NBPF12: variants seen among roughly 807,000 people sequenced by gnomAD.
NBPF12 encodes NBPF member 12.
Under a neutral mutation model 146.4 loss-of-function variants are expected in NBPF12, and 115 were observed. The observed-to-expected ratio is 0.79, with a 90% confidence interval of 0.68 to 0.92. The LOEUF (loss-of-function observed/expected upper bound fraction) is 0.92. NBPF12 is among the 40% of genes least tolerant of loss of function. The pLI is 0.00. For missense variants in NBPF12, 1,205 were observed against 1,326.8 expected (o/e 0.91, Z 1.43); for synonymous variants, 385 against 508.9 (o/e 0.76, Z 3.28).
chr1:146,987,706 T>G (rs1486742577), intron 25 of NBPF12, among the ~76,000 whole-genome samples: 1 of 151,972 alleles, frequency 6.6e-6, no homozygotes, highest in Non-Finnish European at 1.5e-5. Context: ...TCTCTCTCAG[T>G]GTGTGCGTGT....
At chr1:146,945,706 C>T (rs1655021867), upstream of NBPF12, among the ~76,000 whole-genome samples, 1 of 151,774 alleles carries the variant, frequency 6.6e-6, no homozygotes, top group African/African-American at 2.4e-5. Flanking sequence ...TCCTAGGCTC[C>T]CCTGTCCTCC....
chr1:146,964,559 C>T (rs1424116805), intron 7 of NBPF12, 130 bp downstream of exon 10: 4 of 1,466,560 alleles, frequency 2.7e-6, no homozygotes, highest in Non-Finnish European at 3.8e-6. Context: ...GAAATTCAAC[C>T]CAGCTTAGAC....
Position 146,994,277 on chromosome 1 carries a change from C to T in NBPF12, c.4131-55C>T. ...ATGTTACTTCTGAAATCTAGTGAGG[C>T]TCTGTGGTGTCTGACTTTCCCTGGC... On this transcript the variant is annotated intron_variant, in intron 33 of 33. Transcript: ENST00000617844. The T allele has an allele frequency of 6.8e-6, 11 of 1,611,084 alleles. No individual in the cohort carries two copies. The South Asian group carries it at 7.7e-5, about 11-fold the overall frequency.
At chr1:146,994,138 C>T (rs879983147) in intron 33 of NBPF12, among the ~76,000 whole-genome samples, 194 bp from the exon 37 acceptor site, 1 of 131,556 alleles carries the variant, frequency 7.6e-6, no homozygotes, top group Admixed American at 7.8e-5. Context: ...GTCTCTCTCT[C>T]TCTGTCTTTC....
intron 11 of NBPF12, among the ~76,000 whole-genome samples, chr1:146,970,220 G>A (rs1309755513): frequency 2.0e-5 from 3 of 150,326 alleles, no homozygotes; most frequent in Non-Finnish European, 4.4e-5. Flanking sequence ...CCACATGGAG[G>A]GCCTGTGCAG....
chr1:146,952,136 T>G (rs1655351175), intron 2 of NBPF12: 1 of 151,580 alleles, frequency 6.6e-6, no homozygotes, highest in Non-Finnish European at 1.5e-5. Context: ...TGGAGATTGT[T>G]GTGGTGAAGA....
At chr1:146,973,322 G>A (rs1403349801) in intron 14 of NBPF12, among the ~76,000 whole-genome samples, 4 of 151,772 alleles carry the variant, frequency 2.6e-5, no homozygotes, top group African/African-American at 4.9e-5. Context: ...CTAAATGTCT[G>A]AGACTAGTGA....
chr1:146,973,868 CAG>C (rs1656817455), intron 14 of NBPF12, among the ~76,000 whole-genome samples: 1 of 149,276 alleles, frequency 6.7e-6, no homozygotes, highest in South Asian at 2.1e-4. Context: ...TCCTGGGGCA[CAG>C]AGTCTTGTTC....
chr1:146,957,987 G>GTATATATATATATATACATGTGTA (rs1228192892), intron 2 of NBPF12, among the ~76,000 whole-genome samples: 2 of 115,620 alleles, frequency 1.7e-5, no homozygotes, highest in African/African-American at 6.0e-5. Context: ...ATATGTGTGT[G>GTATATATATATATATACATGTGTA]TATATATATA....
intron 12 of NBPF12, among the ~76,000 whole-genome samples, 152 bp downstream of exon 15, chr1:146,970,871 C>G (rs1428717459): frequency 6.6e-6 from 1 of 151,440 alleles, no homozygotes; most frequent in East Asian, 1.9e-4. Flanking sequence ...CAGGGTGTGG[C>G]AGCTGTCGTG....
chr1:146,985,967 C>G (rs1392964259), intron 23 of NBPF12, among the ~76,000 whole-genome samples: 1 of 151,232 alleles, frequency 6.6e-6, no homozygotes, highest in Non-Finnish European at 1.5e-5. Context: ...TTGACCATAC[C>G]TCAAAGGCCG....
Position 146,992,459 on chromosome 1 carries a change from T to G in NBPF12, c.3849-253T>G, listed in dbSNP as rs1188373369. ...TTCTCTCTCTCTCTCTCTCTCTCTC[T>G]CTCTGTGTGTGTGTGTGTGTGTGTG... On this transcript the variant is annotated intron_variant, in intron 31 of 33. Transcript: ENST00000617844. 1.7e-4 allele frequency among the ~76,000 whole-genome samples: 17 copies of G among 101,426 alleles called. No homozygotes were observed. In the East Asian group the frequency reaches 8.3e-3, roughly 50 times the overall value. 66.5% of individuals were successfully genotyped at this position (101,426 alleles called of 152,430 possible).
chr1:146,972,153 G>T (rs1656682167), intron 13 of NBPF12, among the ~76,000 whole-genome samples: 2 of 150,306 alleles, frequency 1.3e-5, no homozygotes, highest in Admixed American at 6.6e-5. Flanking sequence ...CCAGCACTTT[G>T]GGAGGCGGAG....
intron 1 of NBPF12, among the ~76,000 whole-genome samples, chr1:146,940,139 G>T (rs1452306269): frequency 2.0e-5 from 3 of 152,062 alleles, no homozygotes; most frequent in Non-Finnish European, 4.4e-5. Context: ...GAGCTGTTAT[G>T]CATTAATAGC....
At chr1:146,963,542 A>C (rs1425378425) in intron 6 of NBPF12, among the ~76,000 whole-genome samples, 5 of 151,930 alleles carry the variant, frequency 3.3e-5, no homozygotes, top group African/African-American at 1.2e-4. Context: ...CTTTGGAGCA[A>C]AAGGCAGCAT....
chr1:146,941,644 C>T (rs1250104736), intron 1 of NBPF12, among the ~76,000 whole-genome samples: 3 of 145,994 alleles, frequency 2.1e-5, no homozygotes, highest in Non-Finnish European at 4.5e-5. Flanking sequence ...ATCCCAGCTA[C>T]TCAGGAGGCT....
intron 1 of NBPF12, chr1:146,939,000 G>C (rs1654654335): frequency 2.0e-5 from 3 of 152,368 alleles, no homozygotes; most frequent in African/African-American, 7.2e-5. Flanking sequence ...CGCCGCGCCA[G>C]GCCGGGCGGC....
rs1323906946 is a variant in NBPF12 at position 146,994,281 on chromosome 1, G to T, written c.4131-51G>T. ...TACTTCTGAAATCTAGTGAGGCTCTGTGGTGTCTGACTTTCCCTGGCTGCT... is the reference window on the plus strand; with the variant it reads ...TACTTCTGAAATCTAGTGAGGCTCTTTGGTGTCTGACTTTCCCTGGCTGCT... On this transcript the variant is annotated intron_variant, in intron 33 of 33. Transcript: ENST00000617844. 1.2e-3 allele frequency: 1,880 copies of T among 1,611,002 alleles called. 34 individuals are homozygous for T. The African/African-American group carries it at 0.02, about 18-fold the overall frequency.
At position 146,962,276 on chromosome 1, in the gene NBPF12, C is replaced by A. The variant is rs1655895845; in HGVS notation, c.278+13C>A. 3 of 1,600,342 alleles carry A rather than the reference C, an allele frequency of 1.9e-6. No individual in the cohort carries two copies. The highest frequency in any genetic ancestry group is 2.6e-6 in the Non-Finnish European group (3 of 1,175,962). The stretch of plus-strand genomic sequence containing the variant: ...CTGAGGAGCTCAGGTGAGGGGACCC[C>A]ATGGGGGGAGGCAGGCGGGTAGGTG... On this transcript the variant is annotated intron_variant, in intron 5 of 33. Coordinates refer to ENST00000617844, the Ensembl canonical transcript of NBPF12.
Sources: gnomAD v4.1 joint callset for allele counts (sites outside exome capture counted in the v4.1 genomes callset) on GRCh38, gnomAD v4.1.1 for gene constraint, MANE v1.5 for transcripts, NCBI Gene and HGNC (gene_info 2026-07-23, HGNC 2026-07-21) for gene names.